The following GRID1 variants were observed in gnomAD, a reference collection of about 807,000 sequenced individuals.
The protein encoded by GRID1 is glutamate receptor ionotropic, delta-1.
In GRID1, 28 loss-of-function variants were observed where a neutral mutation model predicts 98.0. The observed-to-expected ratio is 0.29, with a 90% CI of 0.21 to 0.39. The LOEUF (loss-of-function observed/expected upper bound fraction) is 0.39. GRID1 is among the 10% of genes least tolerant of loss of function. The pLI is 1.00. For synonymous variants in GRID1, 553 were observed against 538.5 expected, an observed-to-expected ratio of 1.03 and a Z score of -0.37; for missense variants, 1,111 against 1,340.5, an observed-to-expected ratio of 0.83 and a Z score of 2.67.
At chr10:86,061,480 T>G (rs1843648192) in intron 4 of GRID1, among the ~76,000 whole-genome samples, 1 of 152,148 alleles carries the variant, frequency 6.6e-6, no homozygotes, top group Non-Finnish European at 1.5e-5. Context: ...TGGCTCGCCC[T>G]CTCCAATCTG....
intron 4 of GRID1, among the ~76,000 whole-genome samples, chr10:85,920,947 C>A (rs537274270): frequency 6.6e-6 from 1 of 152,194 alleles, no homozygotes; most frequent in African/African-American, 2.4e-5. Flanking sequence ...TGGCCAGATG[C>A]CTGCACCCCT....
In GRID1 at chr10:85,602,019, A is replaced by G. The variant is rs1369649668; in HGVS notation, c.*254T>C. 2.4e-6 allele frequency: 1 copy of G among 416,806 alleles called. No individual in the cohort carries two copies. The highest frequency in any genetic ancestry group is 4.2e-6 in the Non-Finnish European group (1 of 235,350). The allele number at this position is 416,806 out of a possible 1,614,324, so 25.8% of individuals were successfully genotyped here. ...ACAAGTAATTTGCCTTTTTATTCATATAGAACAAAATTTACAAAGTCATTC... is the reference window on the plus strand; with the variant it reads ...ACAAGTAATTTGCCTTTTTATTCATGTAGAACAAAATTTACAAAGTCATTC... On this transcript the variant is annotated 3_prime_UTR_variant, in exon 16 of 16. Coordinates refer to ENST00000327946, the MANE Select transcript of GRID1 (RefSeq NM_017551.3).
At chr10:86,193,191 T>G (rs781506309) in intron 3 of GRID1, among the ~76,000 whole-genome samples, 1 of 151,726 alleles carries the variant, frequency 6.6e-6, no homozygotes, top group Non-Finnish European at 1.5e-5. Context: ...GTCAGGAGAG[T>G]GAGGGCTTGA....
At chr10:85,861,449 G>T (rs957609127) in intron 6 of GRID1, among the ~76,000 whole-genome samples, 8 of 152,200 alleles carry the variant, frequency 5.3e-5, no homozygotes, top group African/African-American at 1.7e-4. Context: ...TTGCAGGGCT[G>T]CCCTTTAAGG....
chr10:86,117,204 A>T (rs1162154487), intron 4 of GRID1, among the ~76,000 whole-genome samples: 2 of 151,688 alleles, frequency 1.3e-5, no homozygotes, highest in Non-Finnish European at 2.9e-5. Context: ...CATCACTACC[A>T]TCATCATCAC....
intron 12 of GRID1, among the ~76,000 whole-genome samples, chr10:85,685,218 T>C (rs1032208495): frequency 6.6e-6 from 1 of 152,226 alleles, no homozygotes; most frequent in Admixed American, 6.5e-5. Flanking sequence ...TTAATAAGCC[T>C]ATTCAGAAAA....
At chr10:85,645,816 C>T (rs1299403685) in intron 13 of GRID1, 1 of 152,272 alleles carries the variant, frequency 6.6e-6, no homozygotes, top group African/African-American at 2.4e-5. Context: ...GACCATCTTC[C>T]CAGTGGGCCT....
chr10:85,768,265 C>T (rs1452920197), intron 8 of GRID1, among the ~76,000 whole-genome samples: 1 of 152,024 alleles, frequency 6.6e-6, no homozygotes, highest in Non-Finnish European at 1.5e-5. Flanking sequence ...ACACAATACA[C>T]CAGGATGAAT....
rs12255848 is a variant in GRID1, at chr10:85,773,014, A to G, written c.1234-43400T>C. 6.2e-3 allele frequency among the ~76,000 whole-genome samples: 949 copies of G among 152,232 alleles called. 11 individuals carry two copies. Among genetic ancestry groups the G allele is most frequent in the African/African-American group, 0.022 (903 of 41,542 alleles). On this transcript the variant is annotated intron_variant, in intron 8 of 15. Transcript: ENST00000327946. ...CTGATACCAAAGCCGGGCAGAGACA[A>G]AACCAAAAAAGACAATTTTAGACCA...
At chr10:86,179,584 C>T (rs1435941764) in intron 3 of GRID1, among the ~76,000 whole-genome samples, 1 of 152,158 alleles carries the variant, frequency 6.6e-6, no homozygotes, top group East Asian at 1.9e-4. Context: ...GTTTGTGGGG[C>T]CTCAAGTCCC....
intron 13 of GRID1, among the ~76,000 whole-genome samples, chr10:85,621,712 T>C (rs1842861305): frequency 6.6e-6 from 1 of 152,176 alleles, no homozygotes; most frequent in South Asian, 2.1e-4. Context: ...TCAGAAGTCC[T>C]AAAGGACTTT....
At chr10:85,991,175 G>T (rs1046069402) in intron 4 of GRID1, among the ~76,000 whole-genome samples, 1 of 152,166 alleles carries the variant, frequency 6.6e-6, no homozygotes, top group South Asian at 2.1e-4. Context: ...CCTTCTGGCT[G>T]GGTCTAGTTC....
intron 4 of GRID1, among the ~76,000 whole-genome samples, chr10:86,005,274 C>A (rs1286031137): frequency 6.6e-6 from 1 of 152,042 alleles, no homozygotes; most frequent in Non-Finnish European, 1.5e-5. Flanking sequence ...CTGTGTGATA[C>A]CCCCTCCCCC....
At chr10:86,073,615 C>A (rs1350208885) in intron 4 of GRID1, among the ~76,000 whole-genome samples, 2 of 152,200 alleles carry the variant, frequency 1.3e-5, no homozygotes, top group Admixed American at 6.5e-5. Context: ...AGCTGGCATG[C>A]ACACCTGTCT....
intron 4 of GRID1, among the ~76,000 whole-genome samples, chr10:86,047,872 A>G (rs1217425129): frequency 6.6e-6 from 1 of 152,222 alleles, no homozygotes; most frequent in African/African-American, 2.4e-5. Context: ...GAGGTTAGCA[A>G]GAACTTAGGC....
intron 6 of GRID1, among the ~76,000 whole-genome samples, chr10:85,861,717 G>T (rs1843165507): frequency 1.3e-5 from 2 of 152,210 alleles, no homozygotes; most frequent in Admixed American, 6.5e-5. Flanking sequence ...AGGTGGGGAA[G>T]GCAGGCAGGG....
intron 8 of GRID1, among the ~76,000 whole-genome samples, chr10:85,835,695 CACATATAGA>C (rs1842906394): frequency 6.6e-6 from 1 of 152,156 alleles, no homozygotes; most frequent in African/African-American, 2.4e-5. Flanking sequence ...ATCTAATTGA[CACATATAGA>C]ACATTTATCC....
In GRID1 at chr10:86,092,673, A is replaced by G. The variant is rs564352410; in HGVS notation, c.726+46146T>C. On this transcript the variant is annotated intron_variant, in intron 4 of 15. Coordinates refer to ENST00000327946, the MANE Select transcript of GRID1 (RefSeq NM_017551.3). ...GTATAATGGCAAAAGGCCTTGTCCA[A>G]TGGGAAAATATCACAATCCTAAACA... 2.6e-4 allele frequency among the ~76,000 whole-genome samples: 39 copies of G among 152,332 alleles called. No homozygotes were observed. In the South Asian group the frequency reaches 4.3e-3, roughly 17 times the overall value.
chr10:86,053,625 A>G (rs1236776333), intron 4 of GRID1, among the ~76,000 whole-genome samples: 1 of 152,188 alleles, frequency 6.6e-6, no homozygotes, highest in African/African-American at 2.4e-5. Context: ...AAGTGCTGGG[A>G]TTACAGGCAT....
Sources: allele counts gnomAD v4.1 joint callset (sites outside exome capture counted in the v4.1 genomes callset), GRCh38; gene constraint gnomAD v4.1.1; transcripts MANE v1.5; gene names NCBI Gene and HGNC (gene_info 2026-07-23, HGNC 2026-07-21).